CHCHD3: variants seen among roughly 807,000 people sequenced by gnomAD.
CHCHD3 encodes the protein coiled-coil-helix-coiled-coil-helix domain containing 3, also known as MICOS complex subunit MIC19.
A neutral mutation model predicts 38.2 loss-of-function variants in CHCHD3; 20 were observed. That is an observed-to-expected ratio of 0.52 (90% confidence interval 0.37 to 0.76). The LOEUF is 0.76. Ranked by LOEUF, CHCHD3 falls within the 30% of genes least tolerant of loss-of-function variation. CHCHD3 has a pLI of 0.00. For synonymous variants in CHCHD3, 82 were observed against 100.0 expected, an observed-to-expected ratio of 0.82 and a Z score of 1.07; for missense variants, 245 against 279.2, an observed-to-expected ratio of 0.88 and a Z score of 0.87.
chr7:132,967,604 A>C (rs1202757405), intron 4 of CHCHD3, among the ~76,000 whole-genome samples: 1 of 151,614 alleles, frequency 6.6e-6, no homozygotes, highest in African/African-American at 2.4e-5. Context: ...CAGCCTGGGC[A>C]ACGTGGCAAA....
chr7:132,974,884 A>AG (rs987196065), intron 4 of CHCHD3, among the ~76,000 whole-genome samples: 9 of 151,996 alleles, frequency 5.9e-5, no homozygotes, highest in African/African-American at 2.2e-4. Context: ...AAAAAAAAAA[A>AG]GGAAAGAAAA....
chr7:132,790,896 T>G (rs2117020763), intron 7 of CHCHD3, among the ~76,000 whole-genome samples: 1 of 152,098 alleles, frequency 6.6e-6, no homozygotes, highest in East Asian at 1.9e-4. Flanking sequence ...GGGAAGGGGA[T>G]CTCTTTTCAA....
chr7:133,063,337 A>G (rs779736589), intron 2 of CHCHD3, among the ~76,000 whole-genome samples: 8 of 152,026 alleles, frequency 5.3e-5, no homozygotes, highest in Admixed American at 2.0e-4. Flanking sequence ...CTGCCCTGCC[A>G]CTCTACCTAG....
chr7:133,007,772 C>T (rs12535119), intron 3 of CHCHD3, among the ~76,000 whole-genome samples: 42,145 of 152,104 alleles, frequency 0.28, 6,154 homozygotes, highest in South Asian at 0.4. Flanking sequence ...AAAATGTCCT[C>T]TAATTCATTA....
intron 4 of CHCHD3, among the ~76,000 whole-genome samples, chr7:132,926,104 T>C (rs1457437359): frequency 6.6e-6 from 1 of 152,168 alleles, no homozygotes; most frequent in East Asian, 1.9e-4. Flanking sequence ...GTTTCTTGCA[T>C]AGGAATCAGA....
intron 7 of CHCHD3, among the ~76,000 whole-genome samples, chr7:132,793,073 C>T (rs1453924539): frequency 6.6e-6 from 1 of 152,176 alleles, no homozygotes; most frequent in African/African-American, 2.4e-5. Context: ...TTGGTCTACC[C>T]ATGAGCAAAT....
intron 4 of CHCHD3, among the ~76,000 whole-genome samples, chr7:132,905,015 T>C (rs1016144785): frequency 2.2e-4 from 34 of 151,316 alleles, no homozygotes; most frequent in African/African-American, 8.3e-4. Context: ...AAACACTGCA[T>C]GTTCTCATTC....
intron 4 of CHCHD3, among the ~76,000 whole-genome samples, chr7:132,974,448 G>A (rs144367942): frequency 1.3e-4 from 20 of 152,196 alleles, no homozygotes; most frequent in African/African-American, 4.6e-4. Context: ...CCCAGGCAGT[G>A]ATTGATCAAA....
At chr7:132,890,006 C>T (rs1305241886) in intron 4 of CHCHD3, among the ~76,000 whole-genome samples, 1 of 152,172 alleles carries the variant, frequency 6.6e-6, no homozygotes, top group Non-Finnish European at 1.5e-5. Flanking sequence ...TCCCCATCTA[C>T]TATTTGCTAT....
intron 6 of CHCHD3, among the ~76,000 whole-genome samples, chr7:132,801,529 C>T (rs1014607656): frequency 3.3e-5 from 5 of 152,132 alleles, no homozygotes; most frequent in Non-Finnish European, 7.3e-5. Context: ...TGAATGTTAA[C>T]TAATATGTTT....
chr7:133,078,442 C>T (rs997529047), intron 1 of CHCHD3, among the ~76,000 whole-genome samples: 1 of 152,072 alleles, frequency 6.6e-6, no homozygotes, highest in Non-Finnish European at 1.5e-5. Context: ...GAGGCTGGGG[C>T]AGGAGGATAG....
At chr7:132,832,819 G>A (rs539520975) in intron 6 of CHCHD3, among the ~76,000 whole-genome samples, 2 of 152,286 alleles carry the variant, frequency 1.3e-5, no homozygotes, top group Non-Finnish European at 2.9e-5. Flanking sequence ...AGAAACAGGA[G>A]GCCGGCAGCA....
At chr7:132,787,632 A>C (rs1188573651) in intron 7 of CHCHD3, among the ~76,000 whole-genome samples, 3 of 152,162 alleles carry the variant, frequency 2.0e-5, no homozygotes, top group African/African-American at 4.8e-5. Context: ...AGACACAACA[A>C]TTTAGGGTCA....
chr7:132,989,824 T>C (rs544875822), intron 3 of CHCHD3, among the ~76,000 whole-genome samples: 2 of 152,162 alleles, frequency 1.3e-5, no homozygotes, highest in Non-Finnish European at 2.9e-5. Context: ...TTGTCTAACT[T>C]GAACTGAATA....
chr7:132,953,336 C>G (rs1811078001), intron 4 of CHCHD3, among the ~76,000 whole-genome samples: 1 of 152,154 alleles, frequency 6.6e-6, no homozygotes, highest in Non-Finnish European at 1.5e-5. Flanking sequence ...TTTCTCCCCA[C>G]AACGAGGCTC....
At chr7:132,935,222 G>A (rs1184550686) in intron 4 of CHCHD3, among the ~76,000 whole-genome samples, 2 of 152,212 alleles carry the variant, frequency 1.3e-5, no homozygotes, top group African/African-American at 4.8e-5. Context: ...ACAAGTACCT[G>A]AGGCAGCACA....
chr7:133,009,363 CAAA>C (rs71178076), intron 3 of CHCHD3, among the ~76,000 whole-genome samples: 3 of 67,396 alleles, frequency 4.5e-5, no homozygotes, highest in African/African-American at 6.5e-5. Context: ...GACTCTGTCT[CAAA>C]AAAAAAAAAA....
At position 132,876,401 on chromosome 7, in the gene CHCHD3, A is replaced by C. The variant is rs1298695768; in HGVS notation, c.453+9261T>G. On this transcript the variant is annotated intron_variant, in intron 5 of 7. Coordinates refer to ENST00000262570, the MANE Select transcript of CHCHD3 (RefSeq NM_017812.4). ...TGCTGAGCCTTCCTAAAATGTAAAG[A>C]ATCTTTAAAAGTGGAATTAATTTTC... Among the ~76,000 whole-genome samples the C allele has an allele frequency of 3.3e-5, 5 of 152,228 alleles. No individual in the cohort carries two copies. The South Asian group carries it at 8.3e-4, about 25-fold the overall frequency.
At position 132,796,618 on chromosome 7, in the gene CHCHD3, A is replaced by T. The variant is rs560872067; in HGVS notation, c.525-41T>A. 4 of 1,575,226 alleles carry T rather than the reference A, an allele frequency of 2.5e-6. No homozygotes were observed. The South Asian group carries it at 4.6e-5, about 18-fold the overall frequency. On this transcript the variant is annotated intron_variant, in intron 6 of 7. Transcript: ENST00000262570. ...GGGACCGCTGAGACCAATGGTCTTC[A>T]TTCAGAATAAAAATCAAGGTTAAAG...
Sources: allele counts gnomAD v4.1 joint callset (sites outside exome capture counted in the v4.1 genomes callset), GRCh38; gene constraint gnomAD v4.1.1; transcripts MANE v1.5; gene names NCBI Gene and HGNC (gene_info 2026-07-23, HGNC 2026-07-21).